PPFIA2: variants seen among roughly 807,000 people sequenced by gnomAD.
The protein encoded by PPFIA2 is liprin-alpha-2.
A neutral mutation model predicts 175.5 loss-of-function variants in PPFIA2; 46 were observed. The observed-to-expected ratio is 0.26, with a 90% CI of 0.21 to 0.34. PPFIA2 has a LOEUF of 0.34. Among genes scored for constraint, PPFIA2 ranks in the 10% least tolerant of loss-of-function variants. PPFIA2 has a pLI of 1.00. For synonymous variants in PPFIA2, 568 were observed against 511.4 expected, an observed-to-expected ratio of 1.11 and a Z score of -1.49; for missense variants, 1,179 against 1,506.1, an observed-to-expected ratio of 0.78 and a Z score of 3.60.
intron 4 of PPFIA2, among the ~76,000 whole-genome samples, chr12:81,518,318 C>T (rs1276260967): frequency 6.6e-6 from 1 of 152,130 alleles, no homozygotes; most frequent in Non-Finnish European, 1.5e-5. Context: ...CTAATAACAA[C>T]AAGTACACCC....
chr12:81,268,829 T>C (rs2136330735), intron 28 of PPFIA2, among the ~76,000 whole-genome samples: 1 of 152,332 alleles, frequency 6.6e-6, no homozygotes, highest in African/African-American at 2.4e-5. Context: ...TGTTAACCAC[T>C]ACCTAAACAT....
At chr12:81,586,721 ATATAT>A (rs576280955) in intron 4 of PPFIA2, among the ~76,000 whole-genome samples, 1 of 151,828 alleles carries the variant, frequency 6.6e-6, no homozygotes, top group African/African-American at 2.4e-5. Flanking sequence ...AAAATAATGT[ATATAT>A]TATAAGGATC....
chr12:81,655,030 C>G (rs1044844860), intron 4 of PPFIA2, among the ~76,000 whole-genome samples: 5 of 151,948 alleles, frequency 3.3e-5, no homozygotes, highest in African/African-American at 1.2e-4. Context: ...CTTGAATTAA[C>G]TTGGTTGAAG....
At chr12:81,685,723 A>C (rs1567859703) in intron 3 of PPFIA2, among the ~76,000 whole-genome samples, 1 of 152,188 alleles carries the variant, frequency 6.6e-6, no homozygotes, top group East Asian at 1.9e-4. Context: ...TATAACAGAC[A>C]GGGGTTGTGG....
intron 30 of PPFIA2, among the ~76,000 whole-genome samples, chr12:81,265,212 G>A (rs1000829048): frequency 7.2e-5 from 10 of 138,618 alleles, no homozygotes; most frequent in Non-Finnish European, 1.4e-4. Flanking sequence ...AGAATCGCTG[G>A]AACCCAGGAG....
intron 6 of PPFIA2, among the ~76,000 whole-genome samples, chr12:81,441,317 G>C (rs1288273845): frequency 6.6e-6 from 1 of 151,910 alleles, no homozygotes; most frequent in East Asian, 1.9e-4. Flanking sequence ...CAGATGAATG[G>C]ATGCATTTAA....
rs1491517743 is a variant in PPFIA2, at chr12:81,493,787, T to TATATATAGACAC, written c.304-35922_304-35921insGTGTCTATATAT. Among the ~76,000 whole-genome samples the TATATATAGACAC allele has an allele frequency of 1.4e-3, 175 of 128,352 alleles. 1 individual carries two copies. The highest frequency in any genetic ancestry group is 4.9e-3 in the African/African-American group (159 of 32,458). 84.2% of individuals were successfully genotyped at this position (128,352 alleles called of 152,430 possible). ...ATATATATATATATATATATATATA[T>TATATATAGACAC]ACACATTGGAAAAAATAACAGCATT... On this transcript the variant is annotated intron_variant, in intron 4 of 32. Coordinates refer to ENST00000549396, the MANE Select transcript of PPFIA2 (RefSeq NM_003625.5).
chr12:81,414,704 C>A (rs982337914), intron 7 of PPFIA2, among the ~76,000 whole-genome samples: 1 of 151,572 alleles, frequency 6.6e-6, no homozygotes, highest in Non-Finnish European at 1.5e-5. Flanking sequence ...TACACAGATA[C>A]TTATTCTACT....
rs545501519 is a variant in PPFIA2 at position 81,362,799 on chromosome 12, C to T, written c.1546-15G>A. ...GCTAATCTTTCCTAAAAAATCAAAA[C>T]AGTGTTACTCAGATGCCAGTAATAT... On this transcript the variant is annotated splice_polypyrimidine_tract_variant and intron_variant, in intron 14 of 32. Transcript: ENST00000549396. 47 of 1,473,600 alleles carry T rather than the reference C, an allele frequency of 3.2e-5. No individual in the cohort carries two copies. In the South Asian group the frequency reaches 4.9e-4, roughly 15 times the overall value. 91.3% of individuals were successfully genotyped at this position (1,473,600 alleles called of 1,614,324 possible).
intron 22 of PPFIA2, among the ~76,000 whole-genome samples, chr12:81,324,574 A>G (rs1355939601): frequency 6.6e-6 from 1 of 152,064 alleles, no homozygotes; most frequent in Admixed American, 6.6e-5. Flanking sequence ...AGTATTTTTT[A>G]GAAGAATGTT....
chr12:81,740,416 T>C (rs1353006832), intron 3 of PPFIA2, among the ~76,000 whole-genome samples: 1 of 152,150 alleles, frequency 6.6e-6, no homozygotes, highest in East Asian at 1.9e-4. Flanking sequence ...GAGATACTAT[T>C]TTGTAAACTG....
At chr12:81,409,556 G>T (rs1382664061) in intron 7 of PPFIA2, among the ~76,000 whole-genome samples, 1 of 151,972 alleles carries the variant, frequency 6.6e-6, no homozygotes, top group African/African-American at 2.4e-5. Flanking sequence ...CTCTACTATG[G>T]GATAAGGCAT....
intron 8 of PPFIA2, among the ~76,000 whole-genome samples, chr12:81,392,042 C>T (rs2040223663): frequency 1.3e-5 from 2 of 151,798 alleles, no homozygotes; most frequent in Non-Finnish European, 2.9e-5. Flanking sequence ...ATTTCACTTA[C>T]ATTTTCGATG....
chr12:81,676,697 A>C, intron 4 of PPFIA2, 94 bp downstream of exon 4: 1 of 797,772 alleles, frequency 1.3e-6, no homozygotes, highest in Non-Finnish European at 1.8e-6. Context: ...AAGTACCTGC[A>C]TATGACAAAT....
intron 7 of PPFIA2, among the ~76,000 whole-genome samples, chr12:81,410,118 T>C (rs998751990): frequency 2.6e-5 from 4 of 152,124 alleles, no homozygotes; most frequent in African/African-American, 9.7e-5. Context: ...ATAATGGAAG[T>C]AGAAGGCAGT....
chr12:81,462,570 G>GTATATATATATATACATA (rs1555402453), intron 4 of PPFIA2, among the ~76,000 whole-genome samples: 4 of 74,186 alleles, frequency 5.4e-5, no homozygotes, highest in African/African-American at 2.2e-4. Flanking sequence ...ATATATATGT[G>GTATATATATATATACATA]TATATATATA....
chr12:81,303,031 C>G (rs953942044), intron 22 of PPFIA2, among the ~76,000 whole-genome samples: 1 of 152,118 alleles, frequency 6.6e-6, no homozygotes, highest in African/African-American at 2.4e-5. Context: ...ATAAGAAATC[C>G]TAAATGACAA....
At chr12:81,265,919 AT>A (rs1431492655) in intron 30 of PPFIA2, among the ~76,000 whole-genome samples, 5 of 152,238 alleles carry the variant, frequency 3.3e-5, no homozygotes, top group Admixed American at 2.0e-4. Flanking sequence ...TCTAGTAAGG[AT>A]TTAAAAGACT....
At chr12:81,662,199 A>C (rs1263795046) in intron 4 of PPFIA2, among the ~76,000 whole-genome samples, 5 of 152,036 alleles carry the variant, frequency 3.3e-5, no homozygotes, top group African/African-American at 4.8e-5. Context: ...TAACTAAGAT[A>C]AGAGCAGAAC....
Sources: allele counts gnomAD v4.1 joint callset (sites outside exome capture counted in the v4.1 genomes callset), GRCh38; gene constraint gnomAD v4.1.1; transcripts MANE v1.5; gene names NCBI Gene and HGNC (gene_info 2026-07-23, HGNC 2026-07-21).